The following BFAR variants were observed in gnomAD, a reference collection of about 807,000 sequenced individuals.
BFAR encodes the protein RING finger protein 47.
Under a neutral mutation model 54.4 loss-of-function variants are expected in BFAR, and 52 were observed. That is an observed-to-expected ratio of 0.96 (90% CI 0.77 to 1.21). The LOEUF is 1.21. BFAR is among the 50% of genes most tolerant of loss of function. The pLI is 0.00. For synonymous variants in BFAR, 215 were observed against 204.3 expected (o/e 1.05, Z -0.45); for missense variants, 571 against 534.0 (o/e 1.07, Z -0.68).
chr16:14,655,802 T>C (rs1960113346), intron 5 of BFAR, among the ~76,000 whole-genome samples: 1 of 152,198 alleles, frequency 6.6e-6, no homozygotes, highest in Non-Finnish European at 1.5e-5. Flanking sequence ...ATTGTTGGAA[T>C]ATCACTGGAG....
chr16:14,644,134 T>A, intron 1 of BFAR, 140 bp from the exon 2 acceptor site: 1 of 580,238 alleles, frequency 1.7e-6, no homozygotes, highest in Non-Finnish European at 3.0e-6. Context: ...CTGCACTCCA[T>A]CCTGGGCCAG....
At chr16:14,656,813 A>G (rs749501919) in intron 5 of BFAR, among the ~76,000 whole-genome samples, 7 of 151,528 alleles carry the variant, frequency 4.6e-5, no homozygotes, top group Non-Finnish European at 7.4e-5. Context: ...AATAAGGAAC[A>G]AAGTCCTGTA....
In BFAR at chr16:14,668,981, T is replaced by C. The variant is rs973094208; in HGVS notation, c.*1154T>C. The C allele has an allele frequency of 8.1e-5, 36 of 441,734 alleles. No individual in the cohort carries two copies. The highest frequency in any genetic ancestry group is 1.5e-4 in the Non-Finnish European group (33 of 219,350). The allele number at this position is 441,734 out of a possible 1,614,324, so 27.4% of individuals were successfully genotyped here. A position where few individuals can be genotyped will look rare whatever the true frequency, so the allele number is the denominator to read the frequency against. ...CAGCAGGTATAATTACACCAAGCGC[T>C]ATAGTTATAAATATGGCATGAAGTG... On this transcript the variant is annotated 3_prime_UTR_variant, in exon 8 of 8. Coordinates refer to ENST00000261658, the MANE Select transcript of BFAR (RefSeq NM_016561.3).
Position 14,667,699 on chromosome 16 carries a change from A to T in BFAR, c.1225A>T (p.Met409Leu), listed in dbSNP as rs1427107101. The T allele has an allele frequency of 1.2e-6, 2 of 1,614,044 alleles. No individual in the cohort carries two copies. Among genetic ancestry groups the T allele is most frequent in the Admixed American group, 1.7e-5 (1 of 59,998 alleles). The change falls in exon 8 of 8, where the codon ATG becomes TTG. Residue 409 changes from methionine (M) to leucine (L), a missense_variant. Transcript: ENST00000261658. Reference sequence around the variant, plus strand: ...ATCAACGCAGGGGCTTTTTGTGGCCATGTTCTGGCCCCTCATCCCTCAGTT... The same window carrying T: ...ATCAACGCAGGGGCTTTTTGTGGCCTTGTTCTGGCCCCTCATCCCTCAGTT... Reference protein sequence around the residue: ...KVSTQGLFVAMFWPLIPQFVC... With the variant: ...KVSTQGLFVALFWPLIPQFVC...
chr16:14,659,084 T>G (rs917749654), intron 5 of BFAR, among the ~76,000 whole-genome samples: 2 of 150,328 alleles, frequency 1.3e-5, no homozygotes, highest in Non-Finnish European at 3.0e-5. Context: ...ATTTTTTGTA[T>G]TTTTAGTAGG....
Position 14,662,051 on chromosome 16 carries a change from G to C in BFAR, c.943G>C (p.Val315Leu). The stretch of plus-strand genomic sequence containing the variant: ...AGAAGACAGCTCTGGGGAGGACATC[G>C]TCACCAAGCTTCTGGTAGGTCTGCA... ...LQEDSSGEDI[V>L]TKLLDLKEPT... The change falls in exon 6 of 8, where the codon GTC (valine) becomes CTC (leucine). Residue 315 changes from valine (V) to leucine (L), a missense_variant. Transcript: ENST00000261658. 6.2e-7 allele frequency: 1 copy of C among 1,614,090 alleles called. No individual in the cohort carries two copies. Among genetic ancestry groups the C allele is most frequent in the East Asian group, 2.2e-5 (1 of 44,878 alleles).
chr16:14,656,467 G>T (rs181413072), intron 5 of BFAR, among the ~76,000 whole-genome samples: 24 of 151,726 alleles, frequency 1.6e-4, no homozygotes, highest in Admixed American at 1.6e-3. Flanking sequence ...TCCAGCCTGG[G>T]CAAGAGAGTT....
intron 2 of BFAR, among the ~76,000 whole-genome samples, chr16:14,645,728 A>G (rs1848157311): frequency 6.6e-6 from 1 of 152,222 alleles, no homozygotes; most frequent in Admixed American, 6.5e-5. Flanking sequence ...TTTGTGTATA[A>G]CTGAACATTT....
In BFAR at chr16:14,648,634, A is replaced by AC. The variant is rs771598961; in HGVS notation, c.468+48dup. ...GTTCCTCTGTGCCCCCCCACACCTCACCCCCCGACCCCTGATTTCCACTGA... is the reference window on the plus strand; with the variant it reads ...GTTCCTCTGTGCCCCCCCACACCTCACCCCCCCGACCCCTGATTTCCACTGA... On this transcript the variant is annotated intron_variant, in intron 3 of 7. Transcript: ENST00000261658. The AC allele has an allele frequency of 9.2e-5, 114 of 1,241,852 alleles. No individual in the cohort carries two copies. In the Admixed American group the frequency reaches 1.3e-3, roughly 14 times the overall value. The allele number at this position is 1,241,852 out of a possible 1,614,324, so 76.9% of individuals were successfully genotyped here.
chr16:14,650,885 G>C (rs1260835673), intron 4 of BFAR, among the ~76,000 whole-genome samples: 2 of 152,142 alleles, frequency 1.3e-5, no homozygotes, highest in African/African-American at 2.4e-5. Flanking sequence ...ACTCTATTCA[G>C]ACTCTATGTT....
At chr16:14,638,894 G>A (rs1302289441) in intron 1 of BFAR, among the ~76,000 whole-genome samples, 2 of 151,430 alleles carry the variant, frequency 1.3e-5, no homozygotes, top group Middle Eastern at 3.2e-3. Flanking sequence ...GCAGTGAGCC[G>A]AGATTGCACC....
At chr16:14,642,511 CTTTGTCATTTGCTTACCT>C (rs1447242709) in intron 1 of BFAR, among the ~76,000 whole-genome samples, 4 of 152,202 alleles carry the variant, frequency 2.6e-5, no homozygotes, top group East Asian at 3.9e-4. Flanking sequence ...GAGAATGGTC[CTTTGTCATTTGCTTACCT>C]TTTGTCATTT....
chr16:14,635,514 C>CCACG (rs1959405102), intron 1 of BFAR, among the ~76,000 whole-genome samples: 1 of 152,064 alleles, frequency 6.6e-6, no homozygotes, highest in African/African-American at 2.4e-5. Flanking sequence ...TGCATATATG[C>CCACG]CACGAGAAAT....
intron 7 of BFAR, among the ~76,000 whole-genome samples, chr16:14,667,078 C>T (rs938439025): frequency 6.6e-6 from 1 of 152,046 alleles, no homozygotes; most frequent in African/African-American, 2.4e-5. Context: ...TGGTGCACAC[C>T]TGTAGTCCCA....
chr16:14,642,827 T>C (rs867502226), intron 1 of BFAR, among the ~76,000 whole-genome samples: 1 of 152,216 alleles, frequency 6.6e-6, no homozygotes, highest in Admixed American at 6.5e-5. Context: ...CCCAGACATT[T>C]TACTAGGCCA....
intron 6 of BFAR, among the ~76,000 whole-genome samples, chr16:14,664,012 C>T (rs1251114010): frequency 2.6e-5 from 4 of 151,950 alleles, no homozygotes; most frequent in African/African-American, 4.8e-5. Flanking sequence ...GAGGCAGAGG[C>T]GGGCAAATCA....
At chr16:14,635,382 G>A (rs556514163) in intron 1 of BFAR, among the ~76,000 whole-genome samples, 5 of 152,294 alleles carry the variant, frequency 3.3e-5, no homozygotes, top group South Asian at 4.1e-4. Context: ...GTTAAAGTGC[G>A]TGTAACTTGG....
At chr16:14,649,402 C>A (rs1959900656) in intron 3 of BFAR, among the ~76,000 whole-genome samples, 1 of 152,100 alleles carries the variant, frequency 6.6e-6, no homozygotes, top group Non-Finnish European at 1.5e-5. Flanking sequence ...TCTTAAGAAC[C>A]CACCAGTTTA....
chr16:14,633,961 T>C (rs948203344), intron 1 of BFAR, among the ~76,000 whole-genome samples: 1 of 152,126 alleles, frequency 6.6e-6, no homozygotes, highest in African/African-American at 2.4e-5. Flanking sequence ...CCGAGAATTG[T>C]CTTTTATTAA....
Sources: gnomAD v4.1 joint callset for allele counts (sites outside exome capture counted in the v4.1 genomes callset) on GRCh38, gnomAD v4.1.1 for gene constraint, MANE v1.5 for transcripts, NCBI Gene and HGNC (gene_info 2026-07-23, HGNC 2026-07-21) for gene names.